Variants in CCDC91 observed in about 807,000 individuals in gnomAD.
The protein encoded by CCDC91 is coiled-coil domain containing 91, also known as coiled-coil domain-containing protein 91.
A neutral mutation model predicts 63.2 loss-of-function variants in CCDC91; 48 were observed. The observed-to-expected ratio is 0.76, with a 90% confidence interval of 0.60 to 0.97. The LOEUF (loss-of-function observed/expected upper bound fraction) is 0.97. Among genes scored for constraint, CCDC91 ranks in the 50% least tolerant of loss-of-function variants. The pLI, the probability that CCDC91 is intolerant of heterozygous loss-of-function variation, is 0.00. For synonymous variants in CCDC91, 167 were observed against 165.8 expected (o/e 1.01, Z -0.06); for missense variants, 500 against 494.6 (o/e 1.01, Z -0.10).
rs375543846 is a variant in CCDC91, at chr12:28,305,171, G to A, written c.110-478G>A. Among the ~76,000 whole-genome samples the A allele has an allele frequency of 5.9e-5, 9 of 152,084 alleles. No homozygotes were observed. The South Asian group carries it at 8.3e-4, about 14-fold the overall frequency. On this transcript the variant is annotated intron_variant, in intron 3 of 12. Coordinates refer to ENST00000536442, the MANE Select transcript of CCDC91 (RefSeq NM_018318.5). ...ATATTAATTGGTTGACTTGCCTACC[G>A]AGTCATAAAGCCATTGAGTACATGG...
Position 28,341,739 on chromosome 12 carries a change from G to T in CCDC91, c.577-20699G>T, listed in dbSNP as rs1310887030. 2.0e-5 allele frequency among the ~76,000 whole-genome samples: 3 copies of T among 152,142 alleles called. 1 individual carries two copies. The highest frequency in any genetic ancestry group is 4.4e-5 in the Non-Finnish European group (3 of 68,026). On this transcript the variant is annotated intron_variant, in intron 6 of 12. Coordinates refer to ENST00000536442, the MANE Select transcript of CCDC91 (RefSeq NM_018318.5). ...TCTGAAATTTGAGGTACTTCCACAT[G>T]TTGAGAGATGTGGAGGAACTAGTAA...
intron 12 of CCDC91, among the ~76,000 whole-genome samples, chr12:28,516,616 A>G (rs963236409): frequency 6.6e-6 from 1 of 151,856 alleles, no homozygotes; most frequent in Non-Finnish European, 1.5e-5. Flanking sequence ...AAAAGAAAGA[A>G]AGAAAAAGAA....
chr12:28,461,278 G>A (rs1950299405), intron 11 of CCDC91, among the ~76,000 whole-genome samples: 1 of 151,988 alleles, frequency 6.6e-6, no homozygotes, highest in Admixed American at 6.6e-5. Context: ...ATCCAGGATT[G>A]ATAAGATGAA....
chr12:28,414,529 TTATGTC>T (rs1482597588), intron 8 of CCDC91, among the ~76,000 whole-genome samples: 10 of 152,190 alleles, frequency 6.6e-5, no homozygotes, highest in African/African-American at 2.4e-5. Context: ...TCTGCATACT[TTATGTC>T]TAGGTTTAAT....
intron 1 of CCDC91, among the ~76,000 whole-genome samples, chr12:28,217,757 G>GA (rs569174373): frequency 1.9e-4 from 28 of 147,976 alleles, no homozygotes; most frequent in South Asian, 1.1e-3. Context: ...GTAACTACCT[G>GA]AAAAAAAAAA....
chr12:28,321,600 T>C (rs1940509661), intron 6 of CCDC91, among the ~76,000 whole-genome samples: 3 of 151,738 alleles, frequency 2.0e-5, no homozygotes, highest in South Asian at 4.1e-4. Context: ...AGTACACTTA[T>C]AATAATAATA....
chr12:28,437,658 T>C (rs1037572629), intron 8 of CCDC91, among the ~76,000 whole-genome samples: 9 of 152,154 alleles, frequency 5.9e-5, no homozygotes, highest in Non-Finnish European at 1.0e-4. Flanking sequence ...AATTCATATC[T>C]TTTTAAATGT....
intron 1 of CCDC91, among the ~76,000 whole-genome samples, chr12:28,239,753 C>T (rs1240942896): frequency 1.3e-5 from 2 of 151,992 alleles, no homozygotes; most frequent in Non-Finnish European, 2.9e-5. Context: ...AAGGCTGTTA[C>T]TTAGAACTAT....
intron 1 of CCDC91, among the ~76,000 whole-genome samples, chr12:28,208,462 G>C (rs542366288): frequency 6.6e-6 from 1 of 152,234 alleles, no homozygotes; most frequent in East Asian, 1.9e-4. Flanking sequence ...AGTTTCCCAT[G>C]TAACTTAACA....
intron 1 of CCDC91, among the ~76,000 whole-genome samples, chr12:28,222,810 T>C (rs1393117796): frequency 6.6e-6 from 1 of 152,198 alleles, no homozygotes; most frequent in Non-Finnish European, 1.5e-5. Flanking sequence ...GTTGGAACTA[T>C]ATAAGATAGC....
chr12:28,274,554 C>T (rs1948051879), intron 3 of CCDC91, among the ~76,000 whole-genome samples: 1 of 152,080 alleles, frequency 6.6e-6, no homozygotes, highest in South Asian at 2.1e-4. Context: ...AGAGGTCCTT[C>T]ACGTCCCTTG....
chr12:28,267,947 T>A (rs553380561), intron 3 of CCDC91, among the ~76,000 whole-genome samples: 5 of 101,654 alleles, frequency 4.9e-5, no homozygotes, highest in South Asian at 2.6e-4. Context: ...TATATATAAT[T>A]ATTATATATA....
At chr12:28,373,425 A>G (rs762187645) in intron 7 of CCDC91, among the ~76,000 whole-genome samples, 1 of 151,764 alleles carries the variant, frequency 6.6e-6, no homozygotes, top group African/African-American at 2.4e-5. Flanking sequence ...CTCTTTTCTC[A>G]TGTGTTACTT....
At chr12:28,371,692 C>A (rs187727405) in intron 7 of CCDC91, among the ~76,000 whole-genome samples, 15 of 152,296 alleles carry the variant, frequency 9.8e-5, no homozygotes, top group African/African-American at 3.6e-4. Flanking sequence ...GTTCTGCATC[C>A]ATGAATTGAA....
At chr12:28,399,153 T>G (rs2139455638) in intron 8 of CCDC91, among the ~76,000 whole-genome samples, 2 of 152,256 alleles carry the variant, frequency 1.3e-5, no homozygotes, top group Admixed American at 1.3e-4. Flanking sequence ...CATTCCTGAG[T>G]CTGGGTAATT....
intron 11 of CCDC91, among the ~76,000 whole-genome samples, chr12:28,476,841 C>A (rs1371602388): frequency 6.6e-6 from 1 of 152,120 alleles, no homozygotes; most frequent in Non-Finnish European, 1.5e-5. Context: ...ACTATAAACA[C>A]CTCTATGCAA....
intron 6 of CCDC91, among the ~76,000 whole-genome samples, chr12:28,343,356 T>C (rs1306097578): frequency 3.9e-5 from 6 of 151,978 alleles, no homozygotes; most frequent in African/African-American, 1.5e-4. Flanking sequence ...CATATGTATA[T>C]ATGGAGGTGG....
chr12:28,448,555 A>G (rs1035600352), intron 8 of CCDC91, among the ~76,000 whole-genome samples: 2 of 152,124 alleles, frequency 1.3e-5, no homozygotes, highest in African/African-American at 2.4e-5. Context: ...TAGCTAATGT[A>G]CCCTCTTCAA....
intron 6 of CCDC91, among the ~76,000 whole-genome samples, chr12:28,337,261 C>T (rs1178442181): frequency 3.3e-5 from 5 of 152,078 alleles, no homozygotes; most frequent in Non-Finnish European, 7.4e-5. Context: ...CAAATAACAA[C>T]ATGTATTTGA....
Sources: gnomAD v4.1 joint callset for allele counts (sites outside exome capture counted in the v4.1 genomes callset) on GRCh38, gnomAD v4.1.1 for gene constraint, MANE v1.5 for transcripts, NCBI Gene and HGNC (gene_info 2026-07-23, HGNC 2026-07-21) for gene names.